The following ARID3B variants were observed in gnomAD, a reference collection of about 807,000 sequenced individuals.
The protein encoded by ARID3B is AT-rich interaction domain 3B, also known as AT-rich interactive domain-containing protein 3B.
Under a neutral mutation model 51.9 loss-of-function variants are expected in ARID3B, and 10 were observed. That is an observed-to-expected ratio of 0.19 (90% CI 0.12 to 0.33). ARID3B has a LOEUF of 0.33. ARID3B is among the 10% of genes least tolerant of loss of function. The pLI is 1.00. For missense variants in ARID3B, 483 were observed against 716.3 expected, an observed-to-expected ratio of 0.67 and a Z score of 3.72; for synonymous variants, 205 against 279.5, an observed-to-expected ratio of 0.73 and a Z score of 2.66.
chr15:74,576,128 C>T lies in ARID3B; in HGVS notation c.697+2924C>T, dbSNP rs529002551. Among the ~76,000 whole-genome samples, 38 of 152,268 alleles carry T rather than the reference C, an allele frequency of 2.5e-4. 1 individual carries two copies. The highest frequency in any genetic ancestry group is 1.2e-3 in the South Asian group (6 of 4,830). On this transcript the variant is annotated intron_variant, in intron 4 of 8. Coordinates refer to ENST00000346246, the MANE Select transcript of ARID3B (RefSeq NM_006465.4). ...CAGGCTGGTATTGAACTCCTGACCT[C>T]AAGTGATCCTCCCACCTCGGCTTTT...
At chr15:74,542,430 G>C (rs2061598627) in intron 1 of ARID3B, among the ~76,000 whole-genome samples, 1 of 152,156 alleles carries the variant, frequency 6.6e-6, no homozygotes, top group South Asian at 2.1e-4. Context: ...ATCTTTCACA[G>C]AACACAAAAG....
chr15:74,581,350 C>T (rs1296996500), intron 4 of ARID3B, among the ~76,000 whole-genome samples: 1 of 152,212 alleles, frequency 6.6e-6, no homozygotes, highest in Non-Finnish European at 1.5e-5. Flanking sequence ...CCATCTCAGG[C>T]AAGGAAATGT....
chr15:74,546,041 CCT>C (rs1330029848), intron 2 of ARID3B, among the ~76,000 whole-genome samples: 6 of 152,168 alleles, frequency 3.9e-5, no homozygotes, highest in Non-Finnish European at 5.9e-5. Context: ...ACAGTGCCAT[CCT>C]CTCCTGCATC....
At chr15:74,546,138 G>A (rs1462249533) in intron 2 of ARID3B, among the ~76,000 whole-genome samples, 2 of 152,206 alleles carry the variant, frequency 1.3e-5, no homozygotes, top group Non-Finnish European at 2.9e-5. Context: ...GGCAGAGCTA[G>A]GACTAGAATC....
rs186270321 is a variant in ARID3B, at chr15:74,584,022, C to G, written c.698-5798C>G. On this transcript the variant is annotated intron_variant, in intron 4 of 8. Coordinates refer to ENST00000346246, the MANE Select transcript of ARID3B (RefSeq NM_006465.4). ...CCTTTTTCCTTTTCCTTTCCCGTTT[C>G]TTTTTCCTTTCCCTTTCCTATTAAA... is the stretch of plus-strand genomic sequence containing the variant. Among the ~76,000 whole-genome samples, 9 of 152,266 alleles carry G rather than the reference C, an allele frequency of 5.9e-5. No individual in the cohort carries two copies. The East Asian group carries it at 1.7e-3, about 29-fold the overall frequency.
At chr15:74,590,103 A>G (rs2061797878) in intron 5 of ARID3B, 100 bp downstream of exon 5, 1 of 1,339,178 alleles carries the variant, frequency 7.5e-7, no homozygotes, top group South Asian at 1.6e-5. Flanking sequence ...TATGGTTAGC[A>G]AGATGAGTGG....
At chr15:74,568,052 C>A (rs1432454888) in intron 2 of ARID3B, among the ~76,000 whole-genome samples, 1 of 152,250 alleles carries the variant, frequency 6.6e-6, no homozygotes, top group Non-Finnish European at 1.5e-5. Flanking sequence ...CCTCTGTCTT[C>A]TGGGGGAAGA....
chr15:74,583,716 C>CAA (rs758278318), intron 4 of ARID3B, among the ~76,000 whole-genome samples: 3 of 111,244 alleles, frequency 2.7e-5, no homozygotes, highest in Non-Finnish European at 3.8e-5. Context: ...GACTCTGTCT[C>CAA]AAAAAAAAAA....
chr15:74,545,414 G>C (rs924620071), intron 2 of ARID3B, among the ~76,000 whole-genome samples: 6 of 152,206 alleles, frequency 3.9e-5, no homozygotes, highest in African/African-American at 1.4e-4. Context: ...ATCAGAGTCA[G>C]TTAGGGAGCT....
chr15:74,568,810 A>G (rs574074756), intron 2 of ARID3B, among the ~76,000 whole-genome samples: 22 of 152,284 alleles, frequency 1.4e-4, no homozygotes, highest in African/African-American at 5.3e-4. Context: ...CACTCTGGCT[A>G]CTGTTGACTT....
intron 2 of ARID3B, among the ~76,000 whole-genome samples, chr15:74,572,592 C>T (rs1022692730): frequency 6.6e-6 from 1 of 152,088 alleles, no homozygotes; most frequent in Non-Finnish European, 1.5e-5. Flanking sequence ...GTATAAATGA[C>T]ACCCACGACA....
intron 2 of ARID3B, among the ~76,000 whole-genome samples, chr15:74,550,369 T>A (rs561931619): frequency 3.3e-5 from 5 of 152,232 alleles, no homozygotes; most frequent in Admixed American, 2.0e-4. Context: ...TAAATCAGCA[T>A]TGGTTTTGGA....
intron 2 of ARID3B, among the ~76,000 whole-genome samples, chr15:74,545,326 C>G (rs991688639): frequency 1.3e-5 from 2 of 152,224 alleles, no homozygotes; most frequent in Admixed American, 1.3e-4. Flanking sequence ...ACATCATCCC[C>G]TTGACAACAG....
intron 4 of ARID3B, chr15:74,573,466 C>T (rs950706779): frequency 7.1e-5 from 36 of 508,562 alleles, no homozygotes; most frequent in African/African-American, 6.7e-4. Flanking sequence ...TGACTGGTCT[C>T]TGGAGTCACT....
At chr15:74,593,783 G>A (rs1270023544) in intron 8 of ARID3B, among the ~76,000 whole-genome samples, 2 of 152,188 alleles carry the variant, frequency 1.3e-5, no homozygotes, top group Non-Finnish European at 2.9e-5. Context: ...GCTGATGCCT[G>A]TAATCCTTGC....
chr15:74,541,639 G>A (rs1346460073), intron 1 of ARID3B, among the ~76,000 whole-genome samples: 1 of 151,008 alleles, frequency 6.6e-6, no homozygotes, highest in Non-Finnish European at 1.5e-5. Flanking sequence ...GGGAGGGTTG[G>A]TAGAGGTAAA....
chr15:74,575,267 C>A (rs1054030186), intron 4 of ARID3B, among the ~76,000 whole-genome samples: 6 of 152,064 alleles, frequency 3.9e-5, no homozygotes, highest in Non-Finnish European at 5.9e-5. Context: ...TTCTCCCTTC[C>A]CTGAAGGATT....
At chr15:74,590,930 G>A (rs2061800409) in intron 5 of ARID3B, among the ~76,000 whole-genome samples, 1 of 152,210 alleles carries the variant, frequency 6.6e-6, no homozygotes, top group Admixed American at 6.5e-5. Context: ...CTAATGAATG[G>A]TGCTTCAAAG....
At chr15:74,589,439 G>A (rs557276631) in intron 4 of ARID3B, among the ~76,000 whole-genome samples, 2 of 152,224 alleles carry the variant, frequency 1.3e-5, no homozygotes, top group East Asian at 3.9e-4. Flanking sequence ...GCCGCTGAAT[G>A]GAGTCTGAAA....
Sources: gnomAD v4.1 joint callset for allele counts (sites outside exome capture counted in the v4.1 genomes callset) on GRCh38, gnomAD v4.1.1 for gene constraint, MANE v1.5 for transcripts, NCBI Gene and HGNC (gene_info 2026-07-23, HGNC 2026-07-21) for gene names.